ZYG11B: variants seen among roughly 807,000 people sequenced by gnomAD.
The protein encoded by ZYG11B is protein zyg-11 homolog B.
In ZYG11B, 36 loss-of-function variants were observed where a neutral mutation model predicts 82.4. That is an observed-to-expected ratio of 0.44 (90% CI 0.33 to 0.58). ZYG11B has a LOEUF of 0.58. Ranked by LOEUF, ZYG11B falls within the 20% of genes least tolerant of loss-of-function variation. The pLI, the probability that ZYG11B is intolerant of heterozygous loss-of-function variation, is 0.02. For synonymous variants in ZYG11B, 303 were observed against 312.8 expected (o/e 0.97, Z 0.33); for missense variants, 552 against 895.6 (o/e 0.62, Z 4.90).
Position 52,825,118 on chromosome 1 carries a change from A to T in ZYG11B, c.*3489A>T, listed in dbSNP as rs1470744138. On this transcript the variant is annotated 3_prime_UTR_variant, in exon 14 of 14. Coordinates refer to ENST00000294353, the MANE Select transcript of ZYG11B (RefSeq NM_024646.3). ...TTTTTAAAAAATAGATTATAATGATACATATTGGTATCATTAAGACAACAG... is the reference window on the plus strand; with the variant it reads ...TTTTTAAAAAATAGATTATAATGATTCATATTGGTATCATTAAGACAACAG... 2.0e-5 allele frequency: 3 copies of T among 152,208 alleles called. No homozygotes were observed. Among genetic ancestry groups the T allele is most frequent in the Non-Finnish European group, 4.4e-5 (3 of 68,040 alleles). 9.4% of individuals were successfully genotyped at this position (152,208 alleles called of 1,614,324 possible).
rs1212524091 is a variant in ZYG11B, at chr1:52,803,097, T to TATATATATATATATAC, written c.1695+959_1695+960insTATATATATATATACA. Among the ~76,000 whole-genome samples the TATATATATATATATAC allele has an allele frequency of 4.7e-4, 21 of 44,850 alleles. 1 individual carries two copies. Among genetic ancestry groups the TATATATATATATATAC allele is most frequent in the South Asian group, 2.7e-3 (4 of 1,498 alleles). The allele number at this position is 44,850 out of a possible 152,430, so 29.4% of individuals were successfully genotyped here. A position where few individuals can be genotyped will look rare whatever the true frequency, so the allele number is the denominator to read the frequency against. On this transcript the variant is annotated intron_variant, in intron 10 of 13. Transcript: ENST00000294353. Reference sequence around the variant, plus strand: ...ATATATATATATACACATATATATATACATATATATATATATATATACACA... The same window carrying TATATATATATATATAC: ...ATATATATATATACACATATATATATATATATATATATATACACATATATATATATATATATACACA...
intron 2 of ZYG11B, among the ~76,000 whole-genome samples, chr1:52,767,193 T>G (rs904806240): frequency 1.3e-5 from 2 of 151,454 alleles, no homozygotes; most frequent in Non-Finnish European, 2.9e-5. Flanking sequence ...GTTATGTTAT[T>G]TTATTTTATT....
chr1:52,781,749 G>A (rs1349078234), intron 4 of ZYG11B, among the ~76,000 whole-genome samples: 1 of 152,168 alleles, frequency 6.6e-6, no homozygotes, highest in Non-Finnish European at 1.5e-5. Flanking sequence ...GAGGTTCTGT[G>A]ACGTTAAGTA....
intron 10 of ZYG11B, among the ~76,000 whole-genome samples, chr1:52,803,203 TACACACAC>T (rs1186109870): frequency 2.4e-5 from 2 of 83,336 alleles, no homozygotes; most frequent in South Asian, 3.6e-4. Flanking sequence ...TATATATATA[TACACACAC>T]ATATATATAT....
chr1:52,744,966 G>A (rs1022854745), intron 1 of ZYG11B, among the ~76,000 whole-genome samples: 5 of 152,226 alleles, frequency 3.3e-5, no homozygotes. Context: ...AAATCAGGAT[G>A]TGAATATGCT....
chr1:52,769,546 CTA>C (rs1644728317), intron 2 of ZYG11B, among the ~76,000 whole-genome samples: 2 of 152,174 alleles, frequency 1.3e-5, no homozygotes, highest in Admixed American at 6.5e-5. Flanking sequence ...GAGCTAGTGA[CTA>C]TGTATTGGGC....
At chr1:52,750,755 T>C (rs1644515777) in intron 1 of ZYG11B, among the ~76,000 whole-genome samples, 1 of 152,178 alleles carries the variant, frequency 6.6e-6, no homozygotes, top group Non-Finnish European at 1.5e-5. Flanking sequence ...TAGCATTCAC[T>C]TTCCATTTTC....
chr1:52,797,376 T>C (rs549349475), intron 8 of ZYG11B, among the ~76,000 whole-genome samples: 7 of 85,174 alleles, frequency 8.2e-5, no homozygotes, highest in African/African-American at 3.3e-4. Context: ...TAATATATAA[T>C]ATATAATACA....
intron 1 of ZYG11B, among the ~76,000 whole-genome samples, chr1:52,748,867 A>G (rs531607231): frequency 7.0e-6 from 1 of 142,994 alleles, no homozygotes; most frequent in South Asian, 2.2e-4. Flanking sequence ...ACACCACTGC[A>G]CTCCAGCCTG....
chr1:52,743,631 C>T (rs138680689), intron 1 of ZYG11B, among the ~76,000 whole-genome samples: 263 of 152,060 alleles, frequency 1.7e-3, no homozygotes, highest in African/African-American at 3.9e-3. Context: ...GTGAGAGGAT[C>T]GCTTGATTCC....
chr1:52,800,736 G>T (rs61683936), intron 8 of ZYG11B, among the ~76,000 whole-genome samples: 8 of 152,058 alleles, frequency 5.3e-5, no homozygotes, highest in Admixed American at 3.3e-4. Context: ...TGAACCCCGG[G>T]GGGGTGGAGG....
Position 52,823,375 on chromosome 1 carries a change from C to T in ZYG11B, c.*1746C>T, listed in dbSNP as rs1176286308. On this transcript the variant is annotated 3_prime_UTR_variant, in exon 14 of 14. Coordinates refer to ENST00000294353, the MANE Select transcript of ZYG11B (RefSeq NM_024646.3). ...GCGAGACGCTGACTCAAATAAATAT[C>T]TAAATAGATATTTAGAATCACTGAA... 2.6e-5 allele frequency: 4 copies of T among 151,774 alleles called. No individual in the cohort carries two copies. In the East Asian group the frequency reaches 7.7e-4, roughly 29 times the overall value. The allele number at this position is 151,774 out of a possible 1,614,324, so 9.4% of individuals were successfully genotyped here.
chr1:52,731,786 CA>C (rs1356122056), intron 1 of ZYG11B, among the ~76,000 whole-genome samples: 1 of 152,076 alleles, frequency 6.6e-6, no homozygotes, highest in African/African-American at 2.4e-5. Context: ...GGTTAAGCAG[CA>C]ACACTAATAG....
intron 1 of ZYG11B, among the ~76,000 whole-genome samples, chr1:52,731,641 AGGG>A (rs1456040419): frequency 2.0e-5 from 3 of 152,134 alleles, no homozygotes; most frequent in Non-Finnish European, 4.4e-5. Flanking sequence ...GGGTACAGGG[AGGG>A]GATACACAAT....
At chr1:52,755,532 GC>G (rs1451944338) in intron 1 of ZYG11B, among the ~76,000 whole-genome samples, 1 of 151,868 alleles carries the variant, frequency 6.6e-6, no homozygotes, top group Non-Finnish European at 1.5e-5. Context: ...ACGGAGTTTC[GC>G]TCTTGTTGCC....
chr1:52,783,264 G>A (rs1436805512), intron 4 of ZYG11B, among the ~76,000 whole-genome samples: 2 of 152,018 alleles, frequency 1.3e-5, no homozygotes, highest in African/African-American at 2.4e-5. Flanking sequence ...GCAAAGGGGA[G>A]CAAAGAAAAA....
rs1019714526 is a variant in ZYG11B, at chr1:52,766,361, T to C, written c.197-4659T>C. ...GTCGCGAACTCCTGACCTCATGATC[T>C]GCCTGCCTTGGCCTCCCAAAGTGCC... On this transcript the variant is annotated intron_variant, in intron 2 of 13. Transcript: ENST00000294353. 3.3e-5 allele frequency among the ~76,000 whole-genome samples: 5 copies of C among 152,126 alleles called. No individual in the cohort carries two copies. In the East Asian group the frequency reaches 9.7e-4, roughly 29 times the overall value.
chr1:52,808,326 T>G (rs1302278638), intron 10 of ZYG11B, among the ~76,000 whole-genome samples: 1 of 152,046 alleles, frequency 6.6e-6, no homozygotes, highest in Non-Finnish European at 1.5e-5. Context: ...ATCACGCCAT[T>G]GCACTCCAGC....
At chr1:52,779,229 G>A (rs1432170665) in intron 3 of ZYG11B, among the ~76,000 whole-genome samples, 1 of 152,128 alleles carries the variant, frequency 6.6e-6, no homozygotes, top group Non-Finnish European at 1.5e-5. Flanking sequence ...GTGAGCTAGA[G>A]GGAGGGGATT....
Sources: gnomAD v4.1 joint callset for allele counts (sites outside exome capture counted in the v4.1 genomes callset) on GRCh38, gnomAD v4.1.1 for gene constraint, MANE v1.5 for transcripts, NCBI Gene and HGNC (gene_info 2026-07-23, HGNC 2026-07-21) for gene names.